Variants in PHF14 observed in about 807,000 individuals in gnomAD.
PHF14 encodes the protein PHD finger protein 14.
Under a neutral mutation model 117.9 loss-of-function variants are expected in PHF14, and 55 were observed. The ratio of observed to expected loss-of-function variants is 0.47; its 90% CI spans 0.38 to 0.58. The LOEUF is 0.58. Ranked by LOEUF, PHF14 falls within the 20% of genes least tolerant of loss-of-function variation. The pLI is 0.00. For missense variants in PHF14, 978 were observed against 1,122.2 expected (o/e 0.87, Z 1.84); for synonymous variants, 409 against 368.6 (o/e 1.11, Z -1.26).
chr7:11,015,571 C>CT (rs901992145), intron 5 of PHF14, among the ~76,000 whole-genome samples: 24 of 149,084 alleles, frequency 1.6e-4, no homozygotes, highest in Middle Eastern at 3.4e-3. Flanking sequence ...GGATTCTAGT[C>CT]TTTTTTTTTT....
chr7:11,082,153 AG>A (rs1291325403), intron 16 of PHF14, among the ~76,000 whole-genome samples: 1 of 152,102 alleles, frequency 6.6e-6, no homozygotes, highest in East Asian at 1.9e-4. Context: ...AGAGTAGCCT[AG>A]GCAATGTATC....
In PHF14 at chr7:10,974,093, G is replaced by A. The variant is rs975497107; in HGVS notation, c.-231G>A. The stretch of plus-strand genomic sequence containing the variant: ...GCCGGAGGTCTTCTCCGGCCAGGGA[G>A]CGCTGTGGGAAGGGGCTCGAGCGGC... On this transcript the variant is annotated 5_prime_UTR_variant, in exon 1 of 18. Transcript: ENST00000634607. The A allele has an allele frequency of 5.8e-5, 30 of 513,726 alleles. No homozygotes were observed. The highest frequency in any genetic ancestry group is 8.8e-5 in the Non-Finnish European group (25 of 284,358). The allele number at this position is 513,726 out of a possible 1,614,324, so 31.8% of individuals were successfully genotyped here. A position where few individuals can be genotyped will look rare whatever the true frequency, so the allele number is the denominator to read the frequency against.
chr7:11,114,176 A>G (rs376540949), intron 17 of PHF14, among the ~76,000 whole-genome samples: 1 of 152,162 alleles, frequency 6.6e-6, no homozygotes, highest in African/African-American at 2.4e-5. Flanking sequence ...AAGTCCAACA[A>G]GTCTTCACTT....
At chr7:11,046,680 A>G (rs1240856196) in intron 13 of PHF14, among the ~76,000 whole-genome samples, 2 of 152,214 alleles carry the variant, frequency 1.3e-5, no homozygotes. Context: ...AATAAAATTT[A>G]CAAGTTGAGT....
intron 16 of PHF14, chr7:11,107,877 A>G (rs1440641927): frequency 6.2e-6 from 2 of 320,614 alleles, no homozygotes; most frequent in Non-Finnish European, 9.0e-6. Flanking sequence ...AAATAAAGGT[A>G]GAAACCATAA....
chr7:11,151,610 A>T (rs943904496), intron 17 of PHF14, among the ~76,000 whole-genome samples: 3 of 152,040 alleles, frequency 2.0e-5, no homozygotes, highest in Non-Finnish European at 4.4e-5. Flanking sequence ...TAACTGTAGC[A>T]TTGTGTCAGA....
intron 3 of PHF14, among the ~76,000 whole-genome samples, chr7:10,987,767 G>A (rs1223204911): frequency 1.3e-5 from 2 of 151,818 alleles, no homozygotes; most frequent in Admixed American, 6.6e-5. Flanking sequence ...GATGATATAC[G>A]TCTTCAGAAA....
chr7:11,038,446 A>T lies in PHF14; in HGVS notation c.1981-314A>T, dbSNP rs917209682. Among the ~76,000 whole-genome samples, 129 of 150,986 alleles carry T rather than the reference A, an allele frequency of 8.5e-4. 1 individual carries two copies. The highest frequency in any genetic ancestry group is 2.8e-3 in the African/African-American group (117 of 41,204). On this transcript the variant is annotated intron_variant, in intron 10 of 17. Coordinates refer to ENST00000634607, the MANE Select transcript of PHF14 (RefSeq NM_001007157.2). ...ACTCCATCTCAAAAAAAAAAAAAAA[A>T]AAATAGATCGAGACCATCCTGGCCA...
rs1201305836 is a variant in PHF14 at position 10,999,495 on chromosome 7, T to G, written c.1045+8648T>G. 7.2e-5 allele frequency among the ~76,000 whole-genome samples: 11 copies of G among 152,334 alleles called. No homozygotes were observed. The East Asian group carries it at 1.9e-3, about 27-fold the overall frequency. On this transcript the variant is annotated intron_variant, in intron 4 of 17. Transcript: ENST00000634607. ...GAGTCCACTGGGGACTAGTTCCATG[T>G]ACATTTCAAAATGACCCTCGCTCTC... is the stretch of plus-strand genomic sequence containing the variant.
At chr7:11,151,040 T>A (rs541848789) in intron 17 of PHF14, among the ~76,000 whole-genome samples, 1 of 152,296 alleles carries the variant, frequency 6.6e-6, no homozygotes, top group East Asian at 1.9e-4. Flanking sequence ...TCAATGATTT[T>A]AAAAATAAGA....
At chr7:11,137,825 ATC>A (rs1461885074) in intron 17 of PHF14, among the ~76,000 whole-genome samples, 2 of 151,812 alleles carry the variant, frequency 1.3e-5, no homozygotes, top group Non-Finnish European at 2.9e-5. Flanking sequence ...ACCTCAGGTG[ATC>A]TGCCCACCTC....
At chr7:11,018,840 A>G (rs1783623626) in intron 5 of PHF14, among the ~76,000 whole-genome samples, 1 of 152,154 alleles carries the variant, frequency 6.6e-6, no homozygotes, top group African/African-American at 2.4e-5. Context: ...GGAAAAGCTT[A>G]CAGTTTTTCC....
intron 13 of PHF14, among the ~76,000 whole-genome samples, chr7:11,046,377 G>A (rs1044202786): frequency 2.2e-4 from 33 of 152,090 alleles, no homozygotes; most frequent in African/African-American, 7.7e-4. Context: ...ATTGTTTGAA[G>A]AATATTCTGA....
chr7:10,982,345 GT>G lies in PHF14; in HGVS notation c.113-17del, dbSNP rs762099309. 3.3e-4 allele frequency: 436 copies of G among 1,315,116 alleles called. 1 individual carries two copies. The highest frequency in any genetic ancestry group is 1.3e-3 in the South Asian group (82 of 62,202). The allele number at this position is 1,315,116 out of a possible 1,614,324, so 81.5% of individuals were successfully genotyped here. ...GTGTGTATGTATATACATATGTGTG[GT>G]TTTTTTTTTCTCATATTTTCAACAG... On this transcript the variant is annotated intron_variant, in intron 2 of 17. Transcript: ENST00000634607.
intron 4 of PHF14, among the ~76,000 whole-genome samples, chr7:11,002,623 A>G (rs1232565705): frequency 6.6e-6 from 1 of 151,664 alleles, no homozygotes; most frequent in Non-Finnish European, 1.5e-5. Flanking sequence ...TTGTATTTTT[A>G]TTAGAGACGG....
Position 11,051,859 on chromosome 7 carries a change from A to G in PHF14, c.2481+79A>G. 3.4e-6 allele frequency: 4 copies of G among 1,181,558 alleles called. No individual in the cohort carries two copies. The South Asian group carries it at 4.4e-5, about 13-fold the overall frequency. 73.2% of individuals were successfully genotyped at this position (1,181,558 alleles called of 1,614,324 possible). A position where few individuals can be genotyped will look rare whatever the true frequency, so the allele number is the denominator to read the frequency against. On this transcript the variant is annotated intron_variant, in intron 14 of 17. Transcript: ENST00000634607. ...AAGAGAGTGAGAAAGACACAGGGCA[A>G]ACATATACTCAGAAGTCAAAGAAAA...
chr7:10,981,265 G>C (rs760523570), intron 2 of PHF14, among the ~76,000 whole-genome samples: 3 of 152,014 alleles, frequency 2.0e-5, no homozygotes, highest in Non-Finnish European at 4.4e-5. Context: ...CCTTTTTCTT[G>C]GCTATAGGTG....
intron 16 of PHF14, among the ~76,000 whole-genome samples, chr7:11,081,663 C>T (rs768424516): frequency 2.4e-4 from 37 of 151,936 alleles, no homozygotes; most frequent in South Asian, 4.2e-4. Context: ...GAGACCATCC[C>T]GGCTAACAGG....
At chr7:11,057,669 C>T (rs1041176516) in intron 14 of PHF14, among the ~76,000 whole-genome samples, 3 of 152,130 alleles carry the variant, frequency 2.0e-5, no homozygotes, top group Non-Finnish European at 4.4e-5. Flanking sequence ...CCACTGTTCC[C>T]GGCCTGAATA....
Sources: allele counts gnomAD v4.1 joint callset (sites outside exome capture counted in the v4.1 genomes callset), GRCh38; gene constraint gnomAD v4.1.1; transcripts MANE v1.5; gene names NCBI Gene and HGNC (gene_info 2026-07-23, HGNC 2026-07-21).